The following LRRIQ1 variants were observed in gnomAD, a reference collection of about 807,000 sequenced individuals.
LRRIQ1 encodes leucine-rich repeat- and IQ domain-containing protein 1.
LRRIQ1 carries 210 observed loss-of-function variants against 211.9 expected under a neutral mutation model. The observed-to-expected ratio is 0.99, with a 90% CI of 0.89 to 1.11. The LOEUF (loss-of-function observed/expected upper bound fraction) is 1.11, where lower values mean the gene tolerates loss of function less well. Among genes scored for constraint, LRRIQ1 ranks in the 50% most tolerant of loss-of-function variants. The pLI, the probability that LRRIQ1 is intolerant of heterozygous loss-of-function variation, is 0.00. For synonymous variants in LRRIQ1, 699 were observed against 650.1 expected, an observed-to-expected ratio of 1.08 and a Z score of -1.14; for missense variants, 2,136 against 1,939.5, an observed-to-expected ratio of 1.10 and a Z score of -1.90.
chr12:85,088,819 A>G (rs1177556569), intron 11 of LRRIQ1, among the ~76,000 whole-genome samples: 2 of 152,208 alleles, frequency 1.3e-5, no homozygotes. Context: ...GAAGTTGCTT[A>G]TCAGCTTAAG....
At chr12:85,079,775 T>C (rs1279306493) in intron 11 of LRRIQ1, among the ~76,000 whole-genome samples, 1 of 152,128 alleles carries the variant, frequency 6.6e-6, no homozygotes, top group Non-Finnish European at 1.5e-5. Flanking sequence ...TTTTTTCTTT[T>C]TGCCCTTATT....
chr12:85,107,274 T>C (rs79207328), intron 15 of LRRIQ1, among the ~76,000 whole-genome samples: 3,135 of 152,234 alleles, frequency 0.021, 67 homozygotes, highest in Non-Finnish European at 0.027. Flanking sequence ...TTTTTGTTTA[T>C]GAATATGAAT....
At chr12:85,222,011 G>T (rs956250773) in intron 24 of LRRIQ1, among the ~76,000 whole-genome samples, 1 of 152,112 alleles carries the variant, frequency 6.6e-6, no homozygotes. Context: ...GAGGGGATTT[G>T]ATAGATTTAA....
At position 85,226,153 on chromosome 12, in the gene LRRIQ1, T is replaced by A. The variant is rs539081400; in HGVS notation, c.4823-3364T>A. Among the ~76,000 whole-genome samples the A allele has an allele frequency of 2.6e-5, 4 of 152,336 alleles. No individual in the cohort carries two copies. In the East Asian group the frequency reaches 7.7e-4, roughly 29 times the overall value. ...AAATTACTTAGTGTTTATGAAGTGT[T>A]ATTGTAGAATTGAGGAAAGCTTTCC... is the stretch of plus-strand genomic sequence containing the variant. On this transcript the variant is annotated intron_variant, in intron 24 of 26. Coordinates refer to ENST00000393217, the MANE Select transcript of LRRIQ1 (RefSeq NM_001079910.2).
chr12:85,176,155 C>A (rs188574435), intron 24 of LRRIQ1, among the ~76,000 whole-genome samples: 1 of 151,976 alleles, frequency 6.6e-6, no homozygotes, highest in Non-Finnish European at 1.5e-5. Context: ...ATGTTCTTCC[C>A]TTTGTTTGTA....
At chr12:85,201,098 T>G (rs1185017667) in intron 24 of LRRIQ1, among the ~76,000 whole-genome samples, 1 of 152,130 alleles carries the variant, frequency 6.6e-6, no homozygotes, top group African/African-American at 2.4e-5. Flanking sequence ...CCCAAAGTGC[T>G]GAGTTTACAG....
chr12:85,125,040 G>A (rs1053282833), intron 17 of LRRIQ1, among the ~76,000 whole-genome samples: 14 of 151,698 alleles, frequency 9.2e-5, no homozygotes, highest in South Asian at 2.1e-4. Flanking sequence ...TTAGCCGGGC[G>A]TTGTGGCGGG....
intron 26 of LRRIQ1, 112 bp downstream of exon 26, chr12:85,232,868 A>G: frequency 1.4e-6 from 1 of 707,242 alleles, no homozygotes; most frequent in South Asian, 1.7e-5. Flanking sequence ...AACTGTATCT[A>G]TTTGGGATAA....
At chr12:85,269,898 C>G in the LRRIQ1 span, among the ~76,000 whole-genome samples, 2 of 152,004 alleles carry the variant, frequency 1.3e-5, no homozygotes, top group Non-Finnish European at 2.9e-5. Flanking sequence ...ATTCTGAGAT[C>G]AGGGTGTCAG....
chr12:85,267,064 G>A (rs1439351899), downstream of LRRIQ1, among the ~76,000 whole-genome samples: 1 of 152,050 alleles, frequency 6.6e-6, no homozygotes, highest in Admixed American at 6.6e-5. Context: ...GTGATAACCA[G>A]ATGAGTAAAT....
Position 85,076,561 on chromosome 12 carries a change from A to G in LRRIQ1, c.2887+3463A>G, listed in dbSNP as rs1028696956. The stretch of plus-strand genomic sequence containing the variant: ...TTTTTCCTTCTTTATTTTCTAGATA[A>G]TACTGCTTTCTGGAAAATTGCCCAC... On this transcript the variant is annotated intron_variant, in intron 11 of 26. Transcript: ENST00000393217. The G allele has an allele frequency of 4.4e-5, 32 of 721,494 alleles. No homozygotes were observed. In the African/African-American group the frequency reaches 5.9e-4, roughly 13 times the overall value. 44.7% of individuals were successfully genotyped at this position (721,494 alleles called of 1,614,324 possible).
chr12:85,158,918 A>G (rs543969897), intron 23 of LRRIQ1, among the ~76,000 whole-genome samples: 6 of 151,746 alleles, frequency 4.0e-5, no homozygotes, highest in Non-Finnish European at 8.8e-5. Context: ...TATTGAGGTA[A>G]GAATACTGCA....
chr12:85,063,640 A>T (rs868009384), intron 8 of LRRIQ1, among the ~76,000 whole-genome samples: 1 of 151,550 alleles, frequency 6.6e-6, no homozygotes. Flanking sequence ...ATATTCATTT[A>T]TCTTATTATA....
chr12:85,124,262 C>T lies in LRRIQ1; in HGVS notation c.3750C>T (p.Tyr1250=). 6.2e-7 allele frequency: 1 copy of T among 1,614,094 alleles called. No individual in the cohort carries two copies. The highest frequency in any genetic ancestry group is 1.1e-5 in the South Asian group (1 of 91,084). The change falls in exon 17 of 27, where the codon TAC becomes TAT. Residue 1250 remains tyrosine (Y), a synonymous_variant. Coordinates refer to ENST00000393217, the MANE Select transcript of LRRIQ1 (RefSeq NM_001079910.2). The stretch of plus-strand genomic sequence containing the variant: ...GCACTCTGCAAAATGGAGTCTTCTA[C>T]TCTTGTGCACGTGAAGGTGAGCCAG... ...SDSTLQNGVF[Y]SCAREGEPDS... is the part of the protein sequence containing the mutation.
the LRRIQ1 span, among the ~76,000 whole-genome samples, chr12:85,271,544 C>T: frequency 6.6e-6 from 1 of 152,128 alleles, no homozygotes; most frequent in African/African-American, 2.4e-5. Context: ...TATTCTTTCT[C>T]TATAAAAATA....
intron 11 of LRRIQ1, among the ~76,000 whole-genome samples, chr12:85,076,231 A>C (rs973129114): frequency 2.0e-5 from 3 of 152,036 alleles, no homozygotes; most frequent in African/African-American, 7.2e-5. Flanking sequence ...GACTTTTTCC[A>C]CACAAAACAA....
chr12:85,156,562 CTG>C (rs3064007), intron 23 of LRRIQ1, among the ~76,000 whole-genome samples: 41,862 of 151,500 alleles, frequency 0.28, 5,897 homozygotes, highest in Admixed American at 0.33. Flanking sequence ...TTCAATCGAT[CTG>C]TGATATACCA....
At position 85,124,057 on chromosome 12, in the gene LRRIQ1, T is replaced by C; in HGVS notation, c.3558-13T>C. 6.4e-7 allele frequency: 1 copy of C among 1,573,288 alleles called. No individual in the cohort carries two copies. Among genetic ancestry groups the C allele is most frequent in the Non-Finnish European group, 8.7e-7 (1 of 1,148,120 alleles). ...CTATTCTTATTAAATGTTCTCATCA[T>C]TTATTTGTTCAGAGATGTATTTACC... On this transcript the variant is annotated splice_polypyrimidine_tract_variant and intron_variant, in intron 16 of 26. Coordinates refer to ENST00000393217, the MANE Select transcript of LRRIQ1 (RefSeq NM_001079910.2).
chr12:85,244,185 G>A (rs1052061192), intron 26 of LRRIQ1, among the ~76,000 whole-genome samples: 1 of 151,378 alleles, frequency 6.6e-6, no homozygotes, highest in African/African-American at 2.4e-5. Flanking sequence ...GGCAATTTGA[G>A]ATAAAATAAA....
Sources: allele counts gnomAD v4.1 joint callset (sites outside exome capture counted in the v4.1 genomes callset), GRCh38; gene constraint gnomAD v4.1.1; transcripts MANE v1.5; gene names NCBI Gene and HGNC (gene_info 2026-07-23, HGNC 2026-07-21).